The following SLC7A14 variants were observed in gnomAD, a reference collection of about 807,000 sequenced individuals.
SLC7A14 encodes the protein solute carrier family 7 member 14.
Under a neutral mutation model 60.2 loss-of-function variants are expected in SLC7A14, and 37 were observed. The ratio of observed to expected loss-of-function variants is 0.61; its 90% CI spans 0.47 to 0.81. The LOEUF (loss-of-function observed/expected upper bound fraction) is 0.81, where lower values mean the gene tolerates loss of function less well. Among genes scored for constraint, SLC7A14 ranks in the 30% least tolerant of loss-of-function variants. The probability of loss-of-function intolerance (pLI) is 0.00; values close to 1 mark genes in which losing one functional copy is unlikely to be tolerated. For missense variants in SLC7A14, 886 were observed against 982.7 expected, an observed-to-expected ratio of 0.90 and a Z score of 1.32; for synonymous variants, 399 against 395.8, an observed-to-expected ratio of 1.01 and a Z score of -0.10.
intron 2 of SLC7A14, among the ~76,000 whole-genome samples, chr3:170,518,805 C>A (rs7636326): frequency 1.1e-4 from 17 of 151,982 alleles, no homozygotes; most frequent in Admixed American, 2.0e-4. Flanking sequence ...GCAGAGCAGA[C>A]GGTGAGGTTA....
At chr3:170,471,114 T>TGTGTGTGTGTGTGAGA (rs1477502291) in intron 7 of SLC7A14, among the ~76,000 whole-genome samples, 2 of 151,960 alleles carry the variant, frequency 1.3e-5, no homozygotes, top group South Asian at 4.2e-4. Flanking sequence ...TGTGTGTGTG[T>TGTGTGTGTGTGTGAGA]GTGTGTGAGT....
chr3:170,537,977 G>A (rs1473209540), intron 1 of SLC7A14, among the ~76,000 whole-genome samples: 2 of 152,116 alleles, frequency 1.3e-5, no homozygotes, highest in Non-Finnish European at 2.9e-5. Flanking sequence ...GGATTTGAGG[G>A]AAGAAAGATG....
At chr3:170,582,061 A>G (rs909977499) in intron 1 of SLC7A14, among the ~76,000 whole-genome samples, 1 of 152,206 alleles carries the variant, frequency 6.6e-6, no homozygotes, top group Non-Finnish European at 1.5e-5. Context: ...ACTTTATAGT[A>G]ACATAGAATT....
At chr3:170,520,825 C>T (rs1713319564) in intron 2 of SLC7A14, among the ~76,000 whole-genome samples, 1 of 152,192 alleles carries the variant, frequency 6.6e-6, no homozygotes, top group South Asian at 2.1e-4. Context: ...CTCTCTTCCA[C>T]TACTCAAATA....
chr3:170,534,109 G>A (rs1411120480), intron 1 of SLC7A14, among the ~76,000 whole-genome samples: 1 of 152,120 alleles, frequency 6.6e-6, no homozygotes. Context: ...AGCTTTTGCT[G>A]TAGTAACAAA....
chr3:170,526,754 AAG>A lies in SLC7A14; in HGVS notation c.181_182del (p.Leu61TrpfsTer98). ...CAGTGCCCACACAGCTGCCAACGCC[AAG>A]AGAGATGAGGTCCACTGTGGTGAGT... ...QVLTTVDLIS[L>X]GVGSCVGTGM... On this transcript the variant is annotated frameshift_variant, in exon 2 of 8. Coordinates refer to ENST00000231706, the MANE Select transcript of SLC7A14 (RefSeq NM_020949.3). LOFTEE classifies it high-confidence loss of function. The A allele has an allele frequency of 2.5e-6, 4 of 1,614,232 alleles. No individual in the cohort carries two copies. Among genetic ancestry groups the A allele is most frequent in the Non-Finnish European group, 3.4e-6 (4 of 1,180,034 alleles).
intron 1 of SLC7A14, among the ~76,000 whole-genome samples, chr3:170,555,089 A>T (rs1039123081): frequency 2.6e-5 from 4 of 151,854 alleles, no homozygotes; most frequent in African/African-American, 9.7e-5. Context: ...AATTGCTTGG[A>T]CCTGGGAAGC....
rs1186408119 is a variant in SLC7A14 at position 170,465,476 on chromosome 3, TTGCCATAATCCTAAAGCATG to T, written c.*1559_*1578del. 6.6e-6 allele frequency: 1 copy of T among 152,252 alleles called. No homozygotes were observed. Among genetic ancestry groups the T allele is most frequent in the Non-Finnish European group, 1.5e-5 (1 of 68,044 alleles). The allele number at this position is 152,252 out of a possible 1,614,324, so 9.4% of individuals were successfully genotyped here. Reference sequence around the variant, plus strand: ...AATGAAAAAATGGACTTTTACCTCCTTGCCATAATCCTAAAGCATGCCAAGATGGCATGAGCCTCAGCCTT... The same window carrying T: ...AATGAAAAAATGGACTTTTACCTCCTCCAAGATGGCATGAGCCTCAGCCTT... On this transcript the variant is annotated 3_prime_UTR_variant, in exon 8 of 8. Coordinates refer to ENST00000231706, the MANE Select transcript of SLC7A14 (RefSeq NM_020949.3).
chr3:170,515,632 G>GT (rs1450191324), intron 2 of SLC7A14, among the ~76,000 whole-genome samples: 5 of 151,952 alleles, frequency 3.3e-5, no homozygotes, highest in Non-Finnish European at 7.4e-5. Flanking sequence ...GTTGGGGTGG[G>GT]GGGGGAGTTG....
intron 7 of SLC7A14, among the ~76,000 whole-genome samples, chr3:170,475,366 A>G (rs1711580594): frequency 6.6e-6 from 1 of 152,224 alleles, no homozygotes. Flanking sequence ...AAGCAGCTCC[A>G]TTTAAAAATA....
chr3:170,482,507 T>C (rs1711866179), intron 6 of SLC7A14, among the ~76,000 whole-genome samples: 1 of 152,238 alleles, frequency 6.6e-6, no homozygotes, highest in South Asian at 2.1e-4. Flanking sequence ...CTCCTTGCTT[T>C]GTGCACTTGA....
intron 1 of SLC7A14, among the ~76,000 whole-genome samples, chr3:170,558,545 A>C (rs1161576317): frequency 6.6e-6 from 1 of 152,260 alleles, no homozygotes; most frequent in African/African-American, 2.4e-5. Context: ...TACAATTCTC[A>C]AGTTCACAAT....
chr3:170,523,652 T>A (rs1004087562), intron 2 of SLC7A14, among the ~76,000 whole-genome samples: 1 of 152,146 alleles, frequency 6.6e-6, no homozygotes, highest in African/African-American at 2.4e-5. Context: ...AAATGTGCAG[T>A]TGTGGAGACT....
In SLC7A14 at chr3:170,527,875, A is replaced by T. The variant is rs183097007; in HGVS notation, c.-152-787T>A. On this transcript the variant is annotated intron_variant, in intron 1 of 7. Coordinates refer to ENST00000231706, the MANE Select transcript of SLC7A14 (RefSeq NM_020949.3). ...TCTCTTTTACATATAAACTCATAGG[A>T]TATTTTGGATAGCCTTAATATACAA... 3.0e-3 allele frequency among the ~76,000 whole-genome samples: 460 copies of T among 152,318 alleles called. 1 individual carries two copies. Among genetic ancestry groups the T allele is most frequent in the Non-Finnish European group, 5.1e-3 (345 of 68,032 alleles).
intron 1 of SLC7A14, among the ~76,000 whole-genome samples, chr3:170,576,859 A>G (rs1358370122): frequency 1.3e-5 from 2 of 152,216 alleles, no homozygotes; most frequent in African/African-American, 4.8e-5. Flanking sequence ...ACAATATAAA[A>G]TACCCCTTAT....
intron 7 of SLC7A14, among the ~76,000 whole-genome samples, chr3:170,476,005 G>A (rs752709403): frequency 2.0e-5 from 3 of 152,128 alleles, no homozygotes; most frequent in Non-Finnish European, 4.4e-5. Context: ...GAGCCACCAC[G>A]CCCAGCCTCA....
At chr3:170,551,680 G>A (rs945948476) in intron 1 of SLC7A14, among the ~76,000 whole-genome samples, 1 of 152,128 alleles carries the variant, frequency 6.6e-6, no homozygotes, top group Non-Finnish European at 1.5e-5. Context: ...TCGGCCATTT[G>A]TACATACCTT....
intron 1 of SLC7A14, among the ~76,000 whole-genome samples, chr3:170,563,933 C>G (rs1403098564): frequency 2.6e-5 from 4 of 152,140 alleles, no homozygotes; most frequent in African/African-American, 9.7e-5. Context: ...CTGGTGATTT[C>G]TTTTATTAAA....
chr3:170,553,291 T>C (rs943174462), intron 1 of SLC7A14, among the ~76,000 whole-genome samples: 4 of 152,208 alleles, frequency 2.6e-5, no homozygotes, highest in African/African-American at 9.6e-5. Context: ...CATATGTTCT[T>C]ACACCTTAGG....
Sources: allele counts gnomAD v4.1 joint callset (sites outside exome capture counted in the v4.1 genomes callset), GRCh38; gene constraint gnomAD v4.1.1; transcripts MANE v1.5; gene names NCBI Gene and HGNC (gene_info 2026-07-23, HGNC 2026-07-21).